The following TNS1 variants were observed in gnomAD, a reference collection of about 807,000 sequenced individuals.
TNS1 encodes tensin-1.
Under a neutral mutation model 168.6 loss-of-function variants are expected in TNS1, and 62 were observed. The observed-to-expected ratio is 0.37, with a 90% confidence interval of 0.30 to 0.45. The LOEUF is 0.45. Among genes scored for constraint, TNS1 ranks in the 20% least tolerant of loss-of-function variants. TNS1 has a pLI of 1.00. For missense variants in TNS1, 2,240 were observed against 2,339.4 expected, an observed-to-expected ratio of 0.96 and a Z score of 0.88; for synonymous variants, 934 against 933.2, an observed-to-expected ratio of 1.00 and a Z score of -0.02.
At chr2:217,902,615 C>A (rs1422099548) in intron 6 of TNS1, among the ~76,000 whole-genome samples, 1 of 152,118 alleles carries the variant, frequency 6.6e-6, no homozygotes, top group Non-Finnish European at 1.5e-5. Context: ...AGCCTCCCCA[C>A]CCCAAAAAAA....
intron 16 of TNS1, among the ~76,000 whole-genome samples, chr2:217,884,322 AATGGATGG>A (rs367767487): frequency 6.6e-6 from 1 of 151,104 alleles, no homozygotes; most frequent in African/African-American, 2.4e-5. Context: ...CGGATGGATG[AATGGATGG>A]ATGGATGGAT....
intron 1 of TNS1, among the ~76,000 whole-genome samples, chr2:218,030,736 G>A (rs143855082): frequency 0.015 from 2,307 of 152,326 alleles, 33 homozygotes; most frequent in Non-Finnish European, 0.023. Context: ...CACTGAGGAC[G>A]CCCCCTCTGG....
intron 19 of TNS1, among the ~76,000 whole-genome samples, chr2:217,839,984 C>A (rs902846760): frequency 6.6e-6 from 1 of 152,224 alleles, no homozygotes; most frequent in Non-Finnish European, 1.5e-5. Context: ...CCTGCCCCTA[C>A]CCAGGCCCAG....
At chr2:217,871,568 C>T (rs576994355) in intron 18 of TNS1, among the ~76,000 whole-genome samples, 3 of 152,358 alleles carry the variant, frequency 2.0e-5, no homozygotes, top group South Asian at 2.1e-4. Context: ...ACGTCTTACT[C>T]AAAAGTTCAG....
rs1944970604 is a variant in TNS1 at position 217,835,037 on chromosome 2, A to G, written c.3280+54T>C. The G allele has an allele frequency of 6.0e-6, 9 of 1,489,786 alleles. No homozygotes were observed. In the South Asian group the frequency reaches 1.2e-4, roughly 20 times the overall value. The allele number at this position is 1,489,786 out of a possible 1,614,324, so 92.3% of individuals were successfully genotyped here. A position where few individuals can be genotyped will look rare whatever the true frequency, so the allele number is the denominator to read the frequency against. On this transcript the variant is annotated intron_variant, in intron 21 of 32. Coordinates refer to ENST00000682258, the MANE Select transcript of TNS1 (RefSeq NM_001387777.1). ...TGGGGCACTCCCACAGGCAGGGTTG[A>G]GCTGAGGGGCTGGAGGGTACACAGG...
At position 217,946,957 on chromosome 2, in the gene TNS1, T is replaced by TCACACACACACA. The variant is rs1234529063; in HGVS notation, c.187-26722_187-26721insTGTGTGTGTGTG. On this transcript the variant is annotated intron_variant, in intron 3 of 32. Coordinates refer to ENST00000682258, the MANE Select transcript of TNS1 (RefSeq NM_001387777.1). Reference sequence around the variant, plus strand: ...CCATCGCTCTCTCTCTCTCTCTCTCTCTCTCTCTCTCTCACACACACACAC... The same window carrying TCACACACACACA: ...CCATCGCTCTCTCTCTCTCTCTCTCTCACACACACACACTCTCTCTCTCTCACACACACACAC... Among the ~76,000 whole-genome samples, 120 of 112,496 alleles carry TCACACACACACA rather than the reference T, an allele frequency of 1.1e-3. 3 individuals carry two copies. Among genetic ancestry groups the TCACACACACACA allele is most frequent in the Non-Finnish European group, 6.6e-4 (39 of 59,252 alleles). The allele number at this position is 112,496 out of a possible 152,430, so 73.8% of individuals were successfully genotyped here. A position where few individuals can be genotyped will look rare whatever the true frequency, so the allele number is the denominator to read the frequency against.
chr2:217,851,015 C>A (rs1471877366), intron 18 of TNS1, among the ~76,000 whole-genome samples: 1 of 152,172 alleles, frequency 6.6e-6, no homozygotes, highest in East Asian at 1.9e-4. Context: ...GAGGGGAAAC[C>A]ATTTATGTGC....
rs2303382 is a variant in TNS1 at position 217,882,423 on chromosome 2, G to A, written c.1247-12C>T. ...TGGAAATCGATCATCTGGAAAAAGA[G>A]AAGGAAAAATAAAAATAGGCAAAAA... is the stretch of plus-strand genomic sequence containing the variant. On this transcript the variant is annotated splice_polypyrimidine_tract_variant and intron_variant, in intron 16 of 32. Transcript: ENST00000682258. The A allele has an allele frequency of 5.7e-3, 9,004 of 1,584,260 alleles. 258 individuals are homozygous for A. In the East Asian group the frequency reaches 0.084, roughly 15 times the overall value.
chr2:217,844,597 C>T (rs1432757455), intron 19 of TNS1, among the ~76,000 whole-genome samples: 1 of 152,224 alleles, frequency 6.6e-6, no homozygotes, highest in Non-Finnish European at 1.5e-5. Context: ...CCTATTCCAT[C>T]TTCCAAGGCT....
Position 217,891,052 on chromosome 2 carries a change from GGA to G in TNS1, c.783-9_783-8del, listed in dbSNP as rs781381926. The G allele has an allele frequency of 5.6e-6, 9 of 1,614,072 alleles. No homozygotes were observed. In the South Asian group the frequency reaches 7.7e-5, roughly 14 times the overall value. ...GTCCAGAGCCTGGTCCGCACTGCAG[GGA>G]GAGACAGGTGGTCAAAAGAGGCAAC... On this transcript the variant is annotated splice_region_variant and splice_polypyrimidine_tract_variant and intron_variant, in intron 11 of 32. Transcript: ENST00000682258.
chr2:217,820,531 C>G (rs984917774), intron 23 of TNS1, among the ~76,000 whole-genome samples: 6 of 152,136 alleles, frequency 3.9e-5, no homozygotes, highest in African/African-American at 1.4e-4. Context: ...GTAGACTGTG[C>G]AGCAAACTGG....
intron 19 of TNS1, among the ~76,000 whole-genome samples, chr2:217,843,985 C>T (rs777573175): frequency 6.6e-6 from 1 of 152,110 alleles, no homozygotes; most frequent in Non-Finnish European, 1.5e-5. Context: ...CTCCACTCTC[C>T]CCTCAAACTC....
At chr2:217,921,887 C>T (rs568920928) in intron 3 of TNS1, among the ~76,000 whole-genome samples, 29 of 152,220 alleles carry the variant, frequency 1.9e-4, no homozygotes, top group African/African-American at 6.5e-4. Flanking sequence ...TTGCGGTGCG[C>T]GGGGCATGGA....
At chr2:218,023,716 G>A (rs1444181946) in intron 1 of TNS1, among the ~76,000 whole-genome samples, 1 of 152,226 alleles carries the variant, frequency 6.6e-6, no homozygotes, top group Non-Finnish European at 1.5e-5. Context: ...GAGGCTCACA[G>A]TATCAGTCGG....
Position 217,965,081 on chromosome 2 carries a change from T to C in TNS1, c.186+13684A>G, listed in dbSNP as rs144436402. Among the ~76,000 whole-genome samples, 1,006 of 152,196 alleles carry C rather than the reference T, an allele frequency of 6.6e-3. 12 individuals carry two copies. The highest frequency in any genetic ancestry group is 0.021 in the African/African-American group (884 of 41,524). ...AGGTGGCTGCAGGCAGAGGAATCCATTGGAACAGGTTAAGGGAACGCGAAC... is the reference window on the plus strand; with the variant it reads ...AGGTGGCTGCAGGCAGAGGAATCCACTGGAACAGGTTAAGGGAACGCGAAC... On this transcript the variant is annotated intron_variant, in intron 3 of 32. Transcript: ENST00000682258.
chr2:217,806,222 T>G (rs2571461), intron 32 of TNS1, among the ~76,000 whole-genome samples: 96,411 of 152,156 alleles, frequency 0.63, 30,967 homozygotes, highest in African/African-American at 0.73. Flanking sequence ...GCTCCCGCAA[T>G]AGCCCAGTCC....
chr2:217,854,541 A>C (rs1387010349), intron 18 of TNS1, among the ~76,000 whole-genome samples: 1 of 152,172 alleles, frequency 6.6e-6, no homozygotes, highest in Non-Finnish European at 1.5e-5. Flanking sequence ...TGCCATGACA[A>C]TAGGAAGAAG....
intron 16 of TNS1, among the ~76,000 whole-genome samples, chr2:217,884,789 C>A (rs1316855320): frequency 3.3e-5 from 5 of 152,172 alleles, no homozygotes; most frequent in Admixed American, 6.5e-5. Flanking sequence ...TAGAAGGCTG[C>A]AAGATATAAA....
At chr2:217,868,384 A>G (rs1949474759) in intron 18 of TNS1, among the ~76,000 whole-genome samples, 1 of 152,140 alleles carries the variant, frequency 6.6e-6, no homozygotes, top group Non-Finnish European at 1.5e-5. Context: ...CCTGGCATTT[A>G]GATGATGATG....
Sources: allele counts gnomAD v4.1 joint callset (sites outside exome capture counted in the v4.1 genomes callset), GRCh38; gene constraint gnomAD v4.1.1; transcripts MANE v1.5; gene names NCBI Gene and HGNC (gene_info 2026-07-23, HGNC 2026-07-21).